Variants in NRP1 observed in about 807,000 individuals in gnomAD.
NRP1 encodes neuropilin-1.
In NRP1, 35 loss-of-function variants were observed where a neutral mutation model predicts 106.7. The observed-to-expected ratio is 0.33, with a 90% CI of 0.25 to 0.43. The LOEUF (loss-of-function observed/expected upper bound fraction) is 0.43. Ranked by LOEUF, NRP1 falls within the 20% of genes least tolerant of loss-of-function variation. The pLI, the probability that NRP1 is intolerant of heterozygous loss-of-function variation, is 1.00. For missense variants in NRP1, 1,024 were observed against 1,170.4 expected, an observed-to-expected ratio of 0.87 and a Z score of 1.83; for synonymous variants, 437 against 417.9, an observed-to-expected ratio of 1.05 and a Z score of -0.56.
chr10:33,313,277 G>A (rs1846742317), intron 2 of NRP1, among the ~76,000 whole-genome samples: 2 of 152,200 alleles, frequency 1.3e-5, no homozygotes, highest in African/African-American at 4.8e-5. Context: ...AGAGAAGGCT[G>A]TGTTGCAAAA....
At chr10:33,214,530 T>A (rs1407027654) in intron 8 of NRP1, among the ~76,000 whole-genome samples, 1 of 152,220 alleles carries the variant, frequency 6.6e-6, no homozygotes, top group Non-Finnish European at 1.5e-5. Flanking sequence ...CTTCTGGATT[T>A]ATCCTGATCC....
At chr10:33,267,434 A>C (rs192951256) in intron 3 of NRP1, among the ~76,000 whole-genome samples, 1 of 152,184 alleles carries the variant, frequency 6.6e-6, no homozygotes, top group Admixed American at 6.5e-5. Flanking sequence ...TTGTATAGCT[A>C]TAAGGAATGC....
At chr10:33,275,139 A>G (rs1383404421) in intron 2 of NRP1, among the ~76,000 whole-genome samples, 1 of 152,200 alleles carries the variant, frequency 6.6e-6, no homozygotes, top group African/African-American at 2.4e-5. Context: ...GTCCCCTAAT[A>G]GTTCTGGCTT....
chr10:33,311,785 A>G (rs745900091), intron 2 of NRP1, among the ~76,000 whole-genome samples: 20 of 152,194 alleles, frequency 1.3e-4, no homozygotes, highest in Admixed American at 6.5e-5. Context: ...ATGTTTAACC[A>G]TGACCTCATG....
intron 2 of NRP1, among the ~76,000 whole-genome samples, chr10:33,304,900 T>C (rs1044514391): frequency 1.3e-5 from 2 of 152,214 alleles, no homozygotes; most frequent in East Asian, 1.9e-4. Flanking sequence ...GTCTAAGCAA[T>C]GACATTCAAA....
chr10:33,183,957 C>T (rs1313609172), intron 15 of NRP1, among the ~76,000 whole-genome samples: 1 of 152,094 alleles, frequency 6.6e-6, no homozygotes, highest in Non-Finnish European at 1.5e-5. Context: ...AGAAAAAGTC[C>T]CATAGAATTG....
intron 2 of NRP1, among the ~76,000 whole-genome samples, chr10:33,281,115 T>C (rs1019164124): frequency 6.6e-6 from 1 of 151,254 alleles, no homozygotes; most frequent in Admixed American, 6.6e-5. Flanking sequence ...AGTGGCACAA[T>C]CTTGGCTTAC....
chr10:33,292,290 C>T (rs752001214), intron 2 of NRP1, among the ~76,000 whole-genome samples: 5 of 151,740 alleles, frequency 3.3e-5, no homozygotes, highest in African/African-American at 1.2e-4. Context: ...CCACTTGTAT[C>T]GATTAAGAAT....
intron 6 of NRP1, among the ~76,000 whole-genome samples, chr10:33,226,652 C>T (rs1839696030): frequency 6.6e-6 from 1 of 152,152 alleles, no homozygotes; most frequent in Non-Finnish European, 1.5e-5. Context: ...AATGATAGAA[C>T]AGCTCTTTAA....
At chr10:33,256,223 C>T in intron 5 of NRP1, 93 bp downstream of exon 5, 3 of 1,297,224 alleles carry the variant, frequency 2.3e-6, no homozygotes, top group Non-Finnish European at 2.2e-6. Context: ...GTTCACAAAA[C>T]ATTTCTTTAG....
chr10:33,274,998 C>T (rs137939873), intron 2 of NRP1, among the ~76,000 whole-genome samples: 31 of 152,210 alleles, frequency 2.0e-4, no homozygotes, highest in Non-Finnish European at 3.5e-4. Flanking sequence ...ACTTACGTAT[C>T]CCACAAAAGA....
intron 9 of NRP1, among the ~76,000 whole-genome samples, chr10:33,210,745 A>T (rs1284453682): frequency 6.6e-6 from 1 of 152,218 alleles, no homozygotes; most frequent in African/African-American, 2.4e-5. Context: ...AATCCATCCA[A>T]GTGCTGTGGA....
At chr10:33,280,972 AAAG>A (rs1844080850) in intron 2 of NRP1, among the ~76,000 whole-genome samples, 2 of 151,794 alleles carry the variant, frequency 1.3e-5, no homozygotes, top group Non-Finnish European at 1.5e-5. Flanking sequence ...CCTTGTCTCA[AAAG>A]AAAAAAAAAA....
chr10:33,220,389 C>T (rs1839134838), intron 8 of NRP1, among the ~76,000 whole-genome samples: 1 of 152,104 alleles, frequency 6.6e-6, no homozygotes, highest in Admixed American at 6.5e-5. Context: ...AGTTCAAAGA[C>T]TTTTAGACAT....
intron 6 of NRP1, among the ~76,000 whole-genome samples, chr10:33,244,426 C>G (rs1174293922): frequency 6.6e-6 from 1 of 152,202 alleles, no homozygotes; most frequent in Non-Finnish European, 1.5e-5. Context: ...ATCATAAAAT[C>G]TGTGCATGTT....
intron 6 of NRP1, among the ~76,000 whole-genome samples, chr10:33,252,192 T>C (rs1841914462): frequency 6.6e-6 from 1 of 151,444 alleles, no homozygotes; most frequent in African/African-American, 2.4e-5. Flanking sequence ...CGACGTGGAG[T>C]TTGACCGGAG....
intron 4 of NRP1, among the ~76,000 whole-genome samples, chr10:33,259,343 C>T (rs1480564160): frequency 6.6e-6 from 1 of 152,140 alleles, no homozygotes; most frequent in Non-Finnish European, 1.5e-5. Flanking sequence ...GCTTTTTCGA[C>T]TATAATACAA....
intron 1 of NRP1, among the ~76,000 whole-genome samples, chr10:33,333,349 A>G (rs2132993327): frequency 6.6e-6 from 1 of 152,264 alleles, no homozygotes; most frequent in South Asian, 2.1e-4. Context: ...AGAGAGATTA[A>G]CTTCCATCAT....
chr10:33,252,738 G>A (rs10827220), intron 6 of NRP1, among the ~76,000 whole-genome samples: 3 of 151,816 alleles, frequency 2.0e-5, no homozygotes, highest in Non-Finnish European at 4.4e-5. Flanking sequence ...TTTTGACACT[G>A]GCAAACTCAT....
Sources: allele counts gnomAD v4.1 joint callset (sites outside exome capture counted in the v4.1 genomes callset), GRCh38; gene constraint gnomAD v4.1.1; transcripts MANE v1.5; gene names NCBI Gene and HGNC (gene_info 2026-07-23, HGNC 2026-07-21).